PRR33: variants seen among roughly 807,000 people sequenced by gnomAD.
The protein encoded by PRR33 is proline-rich protein 33.
PRR33 carries 1 observed loss-of-function variant against 0.5 expected under a neutral mutation model. The observed-to-expected ratio is 2.18, with a 90% confidence interval of 0.77 to 10.34. The LOEUF is 10.34. PRR33 is among the 30% of genes most tolerant of loss of function. The probability of loss-of-function intolerance (pLI) is 0.13; values close to 1 mark genes in which losing one functional copy is unlikely to be tolerated. For synonymous variants in PRR33, 226 were observed against 110.0 expected (o/e 2.06, Z -6.60); for missense variants, 552 against 251.8 (o/e 2.19, Z -8.07).
exon 1 of PRR33, chr11:1,889,341 C>T: frequency 1.4e-6 from 1 of 711,764 alleles, no homozygotes; most frequent in Non-Finnish European, 2.6e-6. Context: ...TGCCAGGCGC[C>T]CTTGGGCCTC....
At chr11:1,898,275 G>C in the PRR33 span, among the ~76,000 whole-genome samples, 10 of 151,960 alleles carry the variant, frequency 6.6e-5, no homozygotes, top group South Asian at 2.1e-3. Context: ...CGCTCCGTCG[G>C]CTGGAGTGCA....
At chr11:1,893,116 T>G (rs1382139296), upstream of PRR33, among the ~76,000 whole-genome samples, 2 of 126,528 alleles carry the variant, frequency 1.6e-5, no homozygotes, top group African/African-American at 5.6e-5. Context: ...AGTGGATGAA[T>G]AGGGGATGGA....
At chr11:1,917,277 C>A in the PRR33 span, among the ~76,000 whole-genome samples, 4 of 152,192 alleles carry the variant, frequency 2.6e-5, no homozygotes, top group Non-Finnish European at 5.9e-5. Flanking sequence ...CAACCATGCG[C>A]ACTGGGTGCT....
chr11:1,915,589 T>A, the PRR33 span, among the ~76,000 whole-genome samples: 2 of 31,852 alleles, frequency 6.3e-5, no homozygotes, highest in Non-Finnish European at 1.2e-4. Flanking sequence ...TTGGGGGGGA[T>A]ATTATTTGTA....
At chr11:1,888,306 C>G (rs947909034) in exon 1 of PRR33, among the ~76,000 whole-genome samples, 39 of 152,202 alleles carry the variant, frequency 2.6e-4, no homozygotes, top group Non-Finnish European at 5.3e-4. Context: ...TCCACTCTCC[C>G]CACCAGGGCC....
exon 1 of PRR33, among the ~76,000 whole-genome samples, chr11:1,888,292 C>T (rs930733097): frequency 2.6e-5 from 4 of 152,178 alleles, no homozygotes; most frequent in Non-Finnish European, 4.4e-5. Context: ...GCTGAGTAGG[C>T]CCCTCCACTC....
At chr11:1,890,867 T>C in exon 1 of PRR33, 1 of 468,850 alleles carries the variant, frequency 2.1e-6, no homozygotes, top group Non-Finnish European at 3.9e-6. Flanking sequence ...GGCTCTGTCC[T>C]CCATGCCACC....
At chr11:1,890,224 G>A (rs1848936595) in exon 1 of PRR33, 3 of 716,662 alleles carry the variant, frequency 4.2e-6, no homozygotes, top group Non-Finnish European at 7.8e-6. Flanking sequence ...GCCACGTGGT[G>A]GATGATGGGG....
chr11:1,890,089 C>G (rs1163147384), exon 1 of PRR33: 1 of 716,226 alleles, frequency 1.4e-6, no homozygotes, highest in East Asian at 2.7e-5. Flanking sequence ...GGGACGAAGC[C>G]ACTGGGGGGC....
At chr11:1,902,101 G>A in the PRR33 span, among the ~76,000 whole-genome samples, 30 of 152,046 alleles carry the variant, frequency 2.0e-4, no homozygotes, top group East Asian at 5.6e-3. Flanking sequence ...GCGTGGTGGC[G>A]GGCGCCTGTA....
At chr11:1,915,550 G>A in the PRR33 span, among the ~76,000 whole-genome samples, 1 of 106,380 alleles carries the variant, frequency 9.4e-6, no homozygotes, top group Non-Finnish European at 1.9e-5. Flanking sequence ...TGTGTGTTGT[G>A]GGGGGTGATG....
chr11:1,888,734 GC>G (rs1848858857), exon 1 of PRR33: 1 of 166,860 alleles, frequency 6.0e-6, no homozygotes, highest in Non-Finnish European at 1.3e-5. Flanking sequence ...CAGAGATCTG[GC>G]CCCAAACCTT....
chr11:1,894,373 G>T (rs1459180434), upstream of PRR33, among the ~76,000 whole-genome samples: 1 of 152,046 alleles, frequency 6.6e-6, no homozygotes, highest in Non-Finnish European at 1.5e-5. Context: ...AGCTGGGACC[G>T]CAGGTGCCCA....
chr11:1,898,906 C>T, the PRR33 span, among the ~76,000 whole-genome samples: 1 of 152,236 alleles, frequency 6.6e-6, no homozygotes, highest in African/African-American at 2.4e-5. Context: ...GAGGCTGAGG[C>T]AGGAGAATCG....
At chr11:1,902,443 C>T in the PRR33 span, among the ~76,000 whole-genome samples, 1 of 152,192 alleles carries the variant, frequency 6.6e-6, no homozygotes, top group African/African-American at 2.4e-5. Context: ...AGACACACTT[C>T]ATCTAGGATA....
chr11:1,905,733 T>C, the PRR33 span, among the ~76,000 whole-genome samples: 221 of 150,482 alleles, frequency 1.5e-3, no homozygotes, highest in African/African-American at 5.2e-3. Flanking sequence ...GGATTACAGG[T>C]GTGAGCCACC....
At chr11:1,914,582 CTGTG>C in the PRR33 span, among the ~76,000 whole-genome samples, 42 of 130,280 alleles carry the variant, frequency 3.2e-4, no homozygotes, top group East Asian at 1.7e-3. Context: ...GGATGTTGCT[CTGTG>C]TGTGTGTGTG....
At chr11:1,912,088 G>A in the PRR33 span, among the ~76,000 whole-genome samples, 1 of 150,306 alleles carries the variant, frequency 6.7e-6, no homozygotes, top group East Asian at 2.0e-4. Context: ...GGGGGAGATC[G>A]CTTGAGCCCA....
upstream of PRR33, among the ~76,000 whole-genome samples, chr11:1,895,293 G>A (rs548788038): frequency 6.6e-5 from 10 of 152,044 alleles, no homozygotes; most frequent in Admixed American, 1.3e-4. Context: ...CCACCACGCC[G>A]GGCTAATTTT....
Sources: allele counts gnomAD v4.1 joint callset (sites outside exome capture counted in the v4.1 genomes callset), GRCh38; gene constraint gnomAD v4.1.1; transcripts MANE v1.5; gene names NCBI Gene and HGNC (gene_info 2026-07-23, HGNC 2026-07-21).